The following WWC2 variants were observed in gnomAD, a reference collection of about 807,000 sequenced individuals.
WWC2 encodes the protein WW and C2 domain containing 2.
WWC2 carries 101 observed loss-of-function variants against 138.5 expected under a neutral mutation model. That is an observed-to-expected ratio of 0.73 (90% confidence interval 0.62 to 0.86). The LOEUF is 0.86. Ranked by LOEUF, WWC2 falls within the 40% of genes least tolerant of loss-of-function variation. The probability of loss-of-function intolerance (pLI) is 0.00; values close to 1 mark genes in which losing one functional copy is unlikely to be tolerated. For synonymous variants in WWC2, 558 were observed against 538.4 expected, an observed-to-expected ratio of 1.04 and a Z score of -0.50; for missense variants, 1,420 against 1,419.4, an observed-to-expected ratio of 1.00 and a Z score of -0.01.
intron 1 of WWC2, among the ~76,000 whole-genome samples, chr4:183,100,225 C>G (rs980956743): frequency 6.6e-6 from 1 of 152,218 alleles, no homozygotes; most frequent in Non-Finnish European, 1.5e-5. Flanking sequence ...CGCTGTCTGT[C>G]GTTAGTCTTC....
intron 18 of WWC2, among the ~76,000 whole-genome samples, chr4:183,283,600 T>TA (rs1217793092): frequency 6.6e-6 from 1 of 152,200 alleles, no homozygotes; most frequent in Non-Finnish European, 1.5e-5. Context: ...ACCTATAAGA[T>TA]AAAAAATAGA....
chr4:183,265,693 G>A lies in WWC2; in HGVS notation c.2045G>A (p.Ser682Asn). Reference sequence around the variant, plus strand: ...TCTACTCCCTGTCCATATAGACCTAGTGAAATGGAAGATGTCACATACAGT... The same window carrying A: ...TCTACTCCCTGTCCATATAGACCTAATGAAATGGAAGATGTCACATACAGT... ...GVYEAFVKQP[S>N]EMEDVTYSEE... The change falls in exon 13 of 23, where the codon AGT becomes AAT. Residue 682 changes from serine (S) to asparagine (N), a missense_variant. Coordinates refer to ENST00000403733, the MANE Select transcript of WWC2 (RefSeq NM_024949.6). The A allele has an allele frequency of 1.2e-6, 2 of 1,610,060 alleles. No individual in the cohort carries two copies. Among genetic ancestry groups the A allele is most frequent in the East Asian group, 2.2e-5 (1 of 44,824 alleles).
chr4:183,228,626 A>C (rs1736142568), intron 4 of WWC2, among the ~76,000 whole-genome samples: 1 of 152,154 alleles, frequency 6.6e-6, no homozygotes, highest in African/African-American at 2.4e-5. Context: ...ATAACAACAA[A>C]GCTGTTTCCC....
intron 1 of WWC2, among the ~76,000 whole-genome samples, chr4:183,114,075 A>T (rs996549934): frequency 3.3e-5 from 5 of 152,162 alleles, no homozygotes; most frequent in African/African-American, 1.2e-4. Flanking sequence ...ATGTGTCCCC[A>T]CTATTGTAAT....
intron 4 of WWC2, among the ~76,000 whole-genome samples, chr4:183,226,757 T>A (rs554921258): frequency 2.7e-4 from 41 of 152,186 alleles, no homozygotes; most frequent in Admixed American, 5.2e-4. Flanking sequence ...GGACTTTTTT[T>A]ATCCAACCAT....
Position 183,109,589 on chromosome 4 carries a change from T to C in WWC2, c.131+9967T>C, listed in dbSNP as rs1466818831. ...GATCCCTCACATGTGCAGTTCATTA[T>C]AGGGTTCGCTCTCCTATGAGAATCT... On this transcript the variant is annotated intron_variant, in intron 1 of 22. Coordinates refer to ENST00000403733, the MANE Select transcript of WWC2 (RefSeq NM_024949.6). Among the ~76,000 whole-genome samples the C allele has an allele frequency of 8.5e-5, 13 of 152,316 alleles. No individual in the cohort carries two copies. The East Asian group carries it at 2.3e-3, about 27-fold the overall frequency.
chr4:183,164,332 TATATACATATA>T (rs1561443859), intron 1 of WWC2, among the ~76,000 whole-genome samples: 3,444 of 7,256 alleles, frequency 0.47, 446 homozygotes, highest in African/African-American at 0.51. Flanking sequence ...TATATATATA[TATATACATATA>T]TATATTATAT....
At chr4:183,166,780 A>G (rs4260572) in intron 1 of WWC2, among the ~76,000 whole-genome samples, 149,708 of 152,316 alleles carry the variant, frequency 0.98, 73,621 homozygotes, top group Middle Eastern at 1. Context: ...CAATATCATA[A>G]GAAAGGTAAG....
rs749954416 is a variant in WWC2, at chr4:183,245,460, G to A, written c.647G>A (p.Ser216Asn). Residue 216 changes from serine (S) to asparagine (N), a missense_variant, in exon 6 of 23, where the codon AGT becomes AAT. Transcript: ENST00000403733. ...MSGGQSGYELSEAKAILTELK... is the reference protein window; with the variant it reads ...MSGGQSGYELNEAKAILTELK... Reference sequence around the variant, plus strand: ...GGAGGCCAGAGCGGGTATGAACTCAGTGAAGCCAAAGCCATTCTAACAGAA... The same window carrying A: ...GGAGGCCAGAGCGGGTATGAACTCAATGAAGCCAAAGCCATTCTAACAGAA... The A allele has an allele frequency of 6.2e-7, 1 of 1,603,872 alleles. No homozygotes were observed. Among genetic ancestry groups the A allele is most frequent in the East Asian group, 2.3e-5 (1 of 44,316 alleles).
Position 183,284,313 on chromosome 4 carries a change from C to A in WWC2, c.2971C>A (p.His991Asn), listed in dbSNP as rs1263914956. Residue 991 changes from histidine to asparagine, a missense_variant, in exon 19 of 23, where the codon CAT becomes AAT. His to Asn is a moderately conservative substitution (Grantham distance 68, BLOSUM62 1). Coordinates refer to ENST00000403733, the MANE Select transcript of WWC2 (RefSeq NM_024949.6). ...GCGCAGCAGCCTGAGCTCTAGACAGCATCCGTTTGTGAGGAGCAGTGTGAT... is the reference window on the plus strand; with the variant it reads ...GCGCAGCAGCCTGAGCTCTAGACAGAATCCGTTTGTGAGGAGCAGTGTGAT... Reference protein sequence around the residue: ...KERSSLSSRQHPFVRSSVIVR... With the variant: ...KERSSLSSRQNPFVRSSVIVR... 6.2e-7 allele frequency: 1 copy of A among 1,614,012 alleles called. No homozygotes were observed. The highest frequency in any genetic ancestry group is 8.5e-7 in the Non-Finnish European group (1 of 1,179,884).
At chr4:183,291,393 T>C (rs1214655872) in intron 21 of WWC2, among the ~76,000 whole-genome samples, 2 of 152,180 alleles carry the variant, frequency 1.3e-5, no homozygotes, top group Non-Finnish European at 2.9e-5. Context: ...AAATGGAAGA[T>C]TGAATTACAA....
intron 1 of WWC2, among the ~76,000 whole-genome samples, chr4:183,140,597 G>C (rs1303130862): frequency 3.9e-5 from 6 of 152,066 alleles, no homozygotes; most frequent in Non-Finnish European, 5.9e-5. Context: ...GAACTTTTCA[G>C]TACTTTAAAG....
rs766803844 is a variant in WWC2, at chr4:183,319,681, C to T, written c.*3952C>T. ...CAGGCTGCACAGTGGAGCAGACACC[C>T]TCCTAGCAGAAGAGAAAGTCCAGCA... is the stretch of plus-strand genomic sequence containing the variant. On this transcript the variant is annotated 3_prime_UTR_variant, in exon 23 of 23. Coordinates refer to ENST00000403733, the MANE Select transcript of WWC2 (RefSeq NM_024949.6). 6.2e-7 allele frequency: 1 copy of T among 1,613,974 alleles called. No individual in the cohort carries two copies. Among genetic ancestry groups the T allele is most frequent in the Non-Finnish European group, 8.5e-7 (1 of 1,180,014 alleles).
At chr4:183,118,063 G>T (rs1228475627) in intron 1 of WWC2, among the ~76,000 whole-genome samples, 1 of 152,200 alleles carries the variant, frequency 6.6e-6, no homozygotes, top group Non-Finnish European at 1.5e-5. Flanking sequence ...CTCCCAAAGT[G>T]CTGGGATTAC....
chr4:183,118,689 A>G (rs1732502207), intron 1 of WWC2, among the ~76,000 whole-genome samples: 1 of 152,246 alleles, frequency 6.6e-6, no homozygotes, highest in African/African-American at 2.4e-5. Context: ...GACCATAATT[A>G]TCGTGGTGAA....
intron 1 of WWC2, among the ~76,000 whole-genome samples, chr4:183,145,013 A>C (rs545821860): frequency 2.0e-5 from 3 of 152,360 alleles, no homozygotes; most frequent in South Asian, 4.1e-4. Flanking sequence ...TGCTGTGCTC[A>C]TAGAATTCCC....
intron 4 of WWC2, among the ~76,000 whole-genome samples, chr4:183,214,769 C>T (rs977589577): frequency 7.3e-5 from 11 of 150,152 alleles, no homozygotes; most frequent in Admixed American, 1.3e-4. Flanking sequence ...GCAACAAGAG[C>T]GAAACTCCGT....
At chr4:183,263,375 G>C (rs1368372221) in intron 11 of WWC2, among the ~76,000 whole-genome samples, 1 of 152,208 alleles carries the variant, frequency 6.6e-6, no homozygotes, top group African/African-American at 2.4e-5. Context: ...GTCCTGTCTT[G>C]CAAGTGTGTC....
chr4:183,128,649 C>G (rs1422821024), intron 1 of WWC2, among the ~76,000 whole-genome samples: 2 of 152,030 alleles, frequency 1.3e-5, no homozygotes, highest in African/African-American at 4.8e-5. Context: ...TTTCAGAATT[C>G]TAGGTAGGTA....
Sources: gnomAD v4.1 joint callset for allele counts (sites outside exome capture counted in the v4.1 genomes callset) on GRCh38, gnomAD v4.1.1 for gene constraint, MANE v1.5 for transcripts, NCBI Gene and HGNC (gene_info 2026-07-23, HGNC 2026-07-21) for gene names.